CUX1: variants seen among roughly 807,000 people sequenced by gnomAD.
The protein encoded by CUX1 is protein CASP.
Under a neutral mutation model 158.8 loss-of-function variants are expected in CUX1, and 31 were observed. That is an observed-to-expected ratio of 0.20 (90% CI 0.15 to 0.26). The LOEUF (loss-of-function observed/expected upper bound fraction) is 0.26, where lower values mean the gene tolerates loss of function less well. CUX1 is among the 10% of genes least tolerant of loss of function. The pLI is 1.00. For synonymous variants in CUX1, 879 were observed against 862.1 expected (o/e 1.02, Z -0.34); for missense variants, 1,589 against 2,014.6 (o/e 0.79, Z 4.04).
chr7:102,092,912 C>CAAAA (rs60587564), intron 4 of CUX1, among the ~76,000 whole-genome samples: 9 of 74,680 alleles, frequency 1.2e-4, no homozygotes, highest in South Asian at 5.2e-4. Context: ...GACTCCGTCT[C>CAAAA]AAAAAAAAAA....
intron 1 of CUX1, among the ~76,000 whole-genome samples, chr7:101,895,178 G>A (rs1246793655): frequency 6.6e-6 from 1 of 151,956 alleles, no homozygotes; most frequent in African/African-American, 2.4e-5. Flanking sequence ...GCACCACCAC[G>A]CCTGGCTAAT....
At position 102,200,087 on chromosome 7, in the gene CUX1, G is replaced by C; in HGVS notation, c.1977G>C (p.Arg659=). The change falls in exon 17 of 24, where the codon CGG becomes CGC. Residue 659 remains arginine (R), a synonymous_variant. Transcript: ENST00000292535. ...RNGSEGNITT[R]IRASETGSDE... ...TCCCCACAGGTAACATCACCACCCG[G>C]ATCCGAGCCTCGGAGACTGGCTCTG... 6.2e-7 allele frequency: 1 copy of C among 1,612,262 alleles called. No homozygotes were observed. Among genetic ancestry groups the C allele is most frequent in the Non-Finnish European group, 8.5e-7 (1 of 1,179,180 alleles).
chr7:102,182,452 T>G (rs895228827), intron 11 of CUX1, among the ~76,000 whole-genome samples: 3 of 152,226 alleles, frequency 2.0e-5, no homozygotes, highest in Admixed American at 6.5e-5. Context: ...TCAAATTTGA[T>G]TTGTTATTTC....
At chr7:102,077,549 A>AG (rs1826907268) in intron 4 of CUX1, among the ~76,000 whole-genome samples, 1 of 149,890 alleles carries the variant, frequency 6.7e-6, no homozygotes, top group Admixed American at 6.6e-5. Flanking sequence ...AAAAAAAAAA[A>AG]GATGAACAAG....
chr7:102,245,081 C>T (rs925763986), intron 23 of CUX1, among the ~76,000 whole-genome samples: 1 of 152,108 alleles, frequency 6.6e-6, no homozygotes, highest in African/African-American at 2.4e-5. Context: ...CTCGCTCTGT[C>T]GCCGAGGCTG....
intron 10 of CUX1, among the ~76,000 whole-genome samples, chr7:102,173,097 C>A (rs1398778297): frequency 6.6e-6 from 1 of 152,108 alleles, no homozygotes; most frequent in Non-Finnish European, 1.5e-5. Flanking sequence ...TGGTGGCACA[C>A]ACCTGTAATC....
At chr7:102,144,652 CA>C (rs1554501474) in intron 8 of CUX1, among the ~76,000 whole-genome samples, 1 of 93,916 alleles carries the variant, frequency 1.1e-5, no homozygotes, top group African/African-American at 4.7e-5. Flanking sequence ...GCCTGGGTGA[CA>C]AAGCAAGACC....
Position 102,200,206 on chromosome 7 carries a change from A to G in CUX1, c.2062+34A>G, listed in dbSNP as rs373308027. On this transcript the variant is annotated intron_variant, in intron 17 of 23. Transcript: ENST00000292535. ...TCCATTTCTTCATCCACTGTCTTCA[A>G]ACTTAATTAAGAGAATTGTCATGAG... The G allele has an allele frequency of 7.7e-6, 12 of 1,550,916 alleles. No homozygotes were observed. The African/African-American group carries it at 9.6e-5, about 12-fold the overall frequency.
At chr7:102,019,321 G>A (rs1189557174) in intron 2 of CUX1, among the ~76,000 whole-genome samples, 1 of 151,948 alleles carries the variant, frequency 6.6e-6, no homozygotes, top group Non-Finnish European at 1.5e-5. Context: ...TCTGCCTCCC[G>A]GGTTCAAGCA....
At chr7:102,162,633 G>A (rs1554507543) in intron 9 of CUX1, among the ~76,000 whole-genome samples, 1 of 152,110 alleles carries the variant, frequency 6.6e-6, no homozygotes, top group Non-Finnish European at 1.5e-5. Flanking sequence ...GCCCACCTCG[G>A]CCTCCCAAAG....
chr7:101,888,103 G>T (rs1003505161), intron 1 of CUX1, among the ~76,000 whole-genome samples: 2 of 152,172 alleles, frequency 1.3e-5, no homozygotes, highest in South Asian at 4.1e-4. Flanking sequence ...TGAGGCTGAG[G>T]TGGGGGGATC....
Position 102,201,666 on chromosome 7 carries a change from A to G in CUX1, c.2369A>G (p.Asp790Gly). 6.2e-7 allele frequency: 1 copy of G among 1,613,036 alleles called. No individual in the cohort carries two copies. Among genetic ancestry groups the G allele is most frequent in the East Asian group, 2.2e-5 (1 of 44,870 alleles). ...NPPALKKEAQ[D>G]APGLDPQGAA... ...CCGGCCCTCAAAAAGGAGGCCCAGG[A>G]CGCCCCCGGGCTGGACCCCCAGGGA... The change falls in exon 18 of 24, where the codon GAC becomes GGC. Residue 790 changes from aspartate (D) to glycine (G), a missense_variant. Physicochemically the swap from Asp to Gly is moderately conservative, Grantham distance 94. Around this residue, in one of 8 missense-constraint regions of CUX1, gnomAD observed 337 missense variants for 409.3 expected, o/e 0.82. Transcript: ENST00000292535. This position sits in a 1 kb window ranked among gnomAD's most constrained non-coding sequence, Gnocchi z 5.0.
In CUX1 at chr7:102,082,226, G is replaced by A. The variant is rs1187676602; in HGVS notation, c.268+11809G>A. Among the ~76,000 whole-genome samples the A allele has an allele frequency of 1.6e-4, 23 of 146,346 alleles. 3 individuals are homozygous for A. Among genetic ancestry groups the A allele is most frequent in the Non-Finnish European group, 7.7e-5 (5 of 64,832 alleles). On this transcript the variant is annotated intron_variant, in intron 4 of 23. Transcript: ENST00000292535. ...CTACTTTTGCTTATGCACCCCAAGA[G>A]TAAAAAAGTTTGAATTGGGCCAGGC...
intron 20 of CUX1, among the ~76,000 whole-genome samples, chr7:102,223,845 T>G (rs1429654673): frequency 6.6e-6 from 1 of 152,130 alleles, no homozygotes; most frequent in East Asian, 1.9e-4. Context: ...GGCACGAACC[T>G]GTAATCCCAG....
intron 2 of CUX1, among the ~76,000 whole-genome samples, chr7:101,995,100 TAAAAG>T (rs914514723): frequency 7.2e-5 from 11 of 151,844 alleles, no homozygotes; most frequent in African/African-American, 2.7e-4. Flanking sequence ...GTCTCAAAAT[TAAAAG>T]AGAGAGAGAA....
rs1054809163 is a variant in CUX1, at chr7:102,249,705, T to A, written c.*663T>A. ...GGGGGGGTGGGATTTTTCAGAAAAA[T>A]TAAAAAAGAAAGTTTTTGTAGCTGT... On this transcript the variant is annotated 3_prime_UTR_variant, in exon 24 of 24. Transcript: ENST00000292535. The A allele has an allele frequency of 2.0e-6, 2 of 985,318 alleles. No homozygotes were observed. The highest frequency in any genetic ancestry group is 3.5e-5 in the African/African-American group (2 of 57,170). The allele number at this position is 985,318 out of a possible 1,614,324, so 61.0% of individuals were successfully genotyped here.
intron 6 of CUX1, among the ~76,000 whole-genome samples, chr7:102,110,079 C>A (rs185145627): frequency 6.6e-6 from 1 of 152,212 alleles, no homozygotes; most frequent in East Asian, 1.9e-4. Context: ...GTTGTGATCA[C>A]CTTTGTATTA....
chr7:101,868,582 C>G (rs1391476931), intron 1 of CUX1, among the ~76,000 whole-genome samples: 1 of 152,224 alleles, frequency 6.6e-6, no homozygotes, highest in Non-Finnish European at 1.5e-5. Context: ...GCCCTGTGCC[C>G]TGTGTCCACT....
intron 1 of CUX1, among the ~76,000 whole-genome samples, chr7:101,862,866 A>T (rs1484590459): frequency 6.7e-6 from 1 of 150,286 alleles, no homozygotes; most frequent in Non-Finnish European, 1.5e-5. Flanking sequence ...GCTTCAGATT[A>T]TTTTTTTTCA....
Sources: allele counts gnomAD v4.1 joint callset (sites outside exome capture counted in the v4.1 genomes callset), GRCh38; gene constraint gnomAD v4.1.1; regional missense constraint gnomAD v4.1.1; non-coding constraint Gnocchi (gnomAD v3.1); transcripts MANE v1.5; gene names NCBI Gene and HGNC (gene_info 2026-07-23, HGNC 2026-07-21).